VPS13B: variants seen among roughly 807,000 people sequenced by gnomAD.
VPS13B encodes intermembrane lipid transfer protein VPS13B.
Under a neutral mutation model 426.4 loss-of-function variants are expected in VPS13B, and 285 were observed. That is an observed-to-expected ratio of 0.67 (90% CI 0.61 to 0.74). VPS13B has a LOEUF of 0.74. Ranked by LOEUF, VPS13B falls within the 30% of genes least tolerant of loss-of-function variation. The probability of loss-of-function intolerance (pLI) is 0.00; values close to 1 mark genes in which losing one functional copy is unlikely to be tolerated. For missense variants in VPS13B, 4,537 were observed against 4,782.6 expected, an observed-to-expected ratio of 0.95 and a Z score of 1.51; for synonymous variants, 1,676 against 1,676.4, an observed-to-expected ratio of 1.00 and a Z score of 0.01.
chr8:99,777,476 A>C (rs1368026912), intron 41 of VPS13B, among the ~76,000 whole-genome samples: 1 of 152,160 alleles, frequency 6.6e-6, no homozygotes, highest in Non-Finnish European at 1.5e-5. Context: ...CTTATTCACT[A>C]TCACGAGAAC....
At chr8:99,127,590 C>T (rs1354894707) in intron 8 of VPS13B, among the ~76,000 whole-genome samples, 1 of 152,150 alleles carries the variant, frequency 6.6e-6, no homozygotes, top group Non-Finnish European at 1.5e-5. Context: ...CATTTCTCAT[C>T]AGCTTTATTG....
At chr8:99,301,241 T>C (rs1344916486) in intron 19 of VPS13B, among the ~76,000 whole-genome samples, 5 of 151,808 alleles carry the variant, frequency 3.3e-5, no homozygotes, top group African/African-American at 1.2e-4. Flanking sequence ...TTAACTTTTA[T>C]TTAGGGCTCG....
chr8:99,494,076 G>A (rs1000570587), intron 25 of VPS13B, among the ~76,000 whole-genome samples: 1 of 152,022 alleles, frequency 6.6e-6, no homozygotes, highest in Non-Finnish European at 1.5e-5. Flanking sequence ...CACATGTAAT[G>A]TGTTTTTGTT....
chr8:99,437,391 C>G (rs1817435759), intron 22 of VPS13B, among the ~76,000 whole-genome samples: 1 of 150,862 alleles, frequency 6.6e-6, no homozygotes, highest in Admixed American at 6.6e-5. Context: ...TAGTCTTGGA[C>G]AGTCTTTTTT....
At chr8:99,831,508 C>A (rs1337314568) in intron 51 of VPS13B, among the ~76,000 whole-genome samples, 1 of 152,168 alleles carries the variant, frequency 6.6e-6, no homozygotes, top group Non-Finnish European at 1.5e-5. Context: ...CTGCTTTCAG[C>A]TCCTAAAAAT....
At chr8:99,467,248 A>G (rs1349765901) in intron 23 of VPS13B, among the ~76,000 whole-genome samples, 166 bp from the exon 24 acceptor site, 1 of 152,186 alleles carries the variant, frequency 6.6e-6, no homozygotes, top group African/African-American at 2.4e-5. Flanking sequence ...CAGAATTTTC[A>G]GTAGCATGTA....
At chr8:99,498,017 G>A (rs918895113) in intron 25 of VPS13B, among the ~76,000 whole-genome samples, 1 of 151,994 alleles carries the variant, frequency 6.6e-6, no homozygotes, top group African/African-American at 2.4e-5. Context: ...GAAGGTTATT[G>A]TTTAGCCATC....
intron 21 of VPS13B, 150 bp from the exon 22 acceptor site, chr8:99,431,387 A>G (rs1817103154): frequency 9.3e-7 from 1 of 1,079,390 alleles, no homozygotes; most frequent in Non-Finnish European, 1.3e-6. Context: ...CAGTTCTATA[A>G]GAGAAAATGA....
chr8:99,419,121 G>A (rs1816238522), intron 21 of VPS13B, among the ~76,000 whole-genome samples: 1 of 152,124 alleles, frequency 6.6e-6, no homozygotes. Context: ...AGATCATGGG[G>A]GTAGTTTCTA....
rs1821247586 is a variant in VPS13B, at chr8:99,501,836, A to G, written c.4020A>G (p.Pro1340=). ...LPKITIKLFA[P]DPENKGTEVC... is the part of the protein sequence containing the mutation. ...AAATTACTATAAAGCTCTTTGCTCCAGATCCTGAAAATAAAGGCACAGGTA... is the reference window on the plus strand; with the variant it reads ...AAATTACTATAAAGCTCTTTGCTCCGGATCCTGAAAATAAAGGCACAGGTA... Residue 1340 remains proline, a synonymous_variant, in exon 26 of 62, where the codon CCA becomes CCG. Coordinates refer to ENST00000357162, the MANE Select transcript of VPS13B (RefSeq NM_152564.5). 6.8e-6 allele frequency: 11 copies of G among 1,613,928 alleles called. No individual in the cohort carries two copies. Among genetic ancestry groups the G allele is most frequent in the Admixed American group, 1.7e-5 (1 of 59,998 alleles).
At chr8:99,102,397 T>C (rs1846801694) in intron 4 of VPS13B, among the ~76,000 whole-genome samples, 1 of 152,172 alleles carries the variant, frequency 6.6e-6, no homozygotes, top group African/African-American at 2.4e-5. Context: ...TATTTTAACA[T>C]TAAATATTAG....
intron 17 of VPS13B, among the ~76,000 whole-genome samples, chr8:99,197,115 T>A (rs1386811681): frequency 6.6e-6 from 1 of 152,226 alleles, no homozygotes; most frequent in Non-Finnish European, 1.5e-5. Flanking sequence ...GTTAATGTGG[T>A]GTATCATATT....
At chr8:99,307,613 C>T (rs1820712479) in intron 19 of VPS13B, among the ~76,000 whole-genome samples, 1 of 151,958 alleles carries the variant, frequency 6.6e-6, no homozygotes. Context: ...TGCTATTTCA[C>T]TGGTTATTTT....
At chr8:99,597,791 GCTCA>G (rs945904085) in intron 33 of VPS13B, among the ~76,000 whole-genome samples, 3 of 151,926 alleles carry the variant, frequency 2.0e-5, no homozygotes, top group Non-Finnish European at 4.4e-5. Flanking sequence ...TTGGTATTTG[GCTCA>G]CTATTACATA....
chr8:99,522,154 T>G (rs547718225), intron 30 of VPS13B, among the ~76,000 whole-genome samples: 1 of 152,276 alleles, frequency 6.6e-6, no homozygotes, highest in South Asian at 2.1e-4. Flanking sequence ...ATAATTCATA[T>G]CTTTTGACTC....
At chr8:99,406,430 C>A (rs571157711) in intron 21 of VPS13B, among the ~76,000 whole-genome samples, 4 of 152,192 alleles carry the variant, frequency 2.6e-5, no homozygotes, top group South Asian at 2.1e-4. Context: ...ATCTTTTAAA[C>A]CCCTGTTCTT....
At chr8:99,597,148 A>G (rs566327752) in intron 33 of VPS13B, among the ~76,000 whole-genome samples, 1 of 152,102 alleles carries the variant, frequency 6.6e-6, no homozygotes, top group South Asian at 2.1e-4. Flanking sequence ...TAGGTAAACA[A>G]TAGTTTCCTA....
In VPS13B at chr8:99,853,932, T is replaced by C; in HGVS notation, c.10543T>C (p.Tyr3515His). The C allele has an allele frequency of 6.2e-7, 1 of 1,614,268 alleles. No homozygotes were observed. Among genetic ancestry groups the C allele is most frequent in the Non-Finnish European group, 8.5e-7 (1 of 1,180,048 alleles). Reference protein sequence around the residue: ...RLYVEDTFVYYIKTLFDTYLP... With the variant: ...RLYVEDTFVYHIKTLFDTYLP... Reference sequence around the variant, plus strand: ...ATACGTGGAAGACACATTTGTATACTACATCAAGACTTTGTTTGACACCTA... The same window carrying C: ...ATACGTGGAAGACACATTTGTATACCACATCAAGACTTTGTTTGACACCTA... The change falls in exon 56 of 62, where the codon TAC becomes CAC. Residue 3515 changes from tyrosine to histidine, a missense_variant. Physicochemically the swap from Tyr to His is moderately conservative, Grantham distance 83. Around this residue, in one of 2 missense-constraint regions of VPS13B, gnomAD observed 4,311 missense variants for 4,474.3 expected, o/e 0.96. Coordinates refer to ENST00000357162, the MANE Select transcript of VPS13B (RefSeq NM_152564.5).
intron 17 of VPS13B, among the ~76,000 whole-genome samples, chr8:99,238,000 T>C (rs1816730504): frequency 6.6e-6 from 1 of 152,088 alleles, no homozygotes; most frequent in Non-Finnish European, 1.5e-5. Flanking sequence ...TAAGCTTCTG[T>C]AATAGGCCTC....
Sources: gnomAD v4.1 joint callset for allele counts (sites outside exome capture counted in the v4.1 genomes callset) on GRCh38, gnomAD v4.1.1 for gene constraint, gnomAD v4.1.1 regional missense constraint, MANE v1.5 for transcripts, NCBI Gene and HGNC (gene_info 2026-07-23, HGNC 2026-07-21) for gene names.